SORCS2: variants seen among roughly 807,000 people sequenced by gnomAD.
The protein encoded by SORCS2 is sortilin related VPS10 domain containing receptor 2.
SORCS2 carries 100 observed loss-of-function variants against 141.6 expected under a neutral mutation model. The observed-to-expected ratio is 0.71, with a 90% confidence interval of 0.60 to 0.83. The LOEUF (loss-of-function observed/expected upper bound fraction) is 0.83, where lower values mean the gene tolerates loss of function less well. Ranked by LOEUF, SORCS2 falls within the 40% of genes least tolerant of loss-of-function variation. The pLI is 0.00. For synonymous variants in SORCS2, 789 were observed against 676.9 expected (o/e 1.17, Z -2.57); for missense variants, 1,646 against 1,560.2 (o/e 1.05, Z -0.93).
At chr4:7,738,140 T>C (rs1490971379) in intron 26 of SORCS2, among the ~76,000 whole-genome samples, 1 of 152,192 alleles carries the variant, frequency 6.6e-6, no homozygotes, top group East Asian at 1.9e-4. Context: ...AGTCAGAGCA[T>C]GATGCCATCC....
chr4:7,724,121 G>GT (rs1726804062), intron 19 of SORCS2, among the ~76,000 whole-genome samples: 1 of 131,188 alleles, frequency 7.6e-6, no homozygotes, highest in Admixed American at 7.5e-5. Flanking sequence ...GGTGATGGTG[G>GT]TGGTGGTGGT....
At chr4:7,454,561 G>A (rs1365605817) in intron 2 of SORCS2, among the ~76,000 whole-genome samples, 3 of 123,674 alleles carry the variant, frequency 2.4e-5, no homozygotes, top group African/African-American at 9.6e-5. Context: ...GCACTGTGTT[G>A]GGGTCAGGAG....
chr4:7,567,051 A>G (rs1397297712), intron 3 of SORCS2, among the ~76,000 whole-genome samples: 1 of 152,246 alleles, frequency 6.6e-6, no homozygotes, highest in Non-Finnish European at 1.5e-5. Flanking sequence ...ACTGACTCCA[A>G]CACCCCTATT....
intron 2 of SORCS2, among the ~76,000 whole-genome samples, chr4:7,409,688 G>A (rs1328407154): frequency 2.0e-5 from 3 of 152,176 alleles, no homozygotes; most frequent in Non-Finnish European, 2.9e-5. Context: ...TCAGTGCCAG[G>A]CAGGATGGGG....
rs1227276329 is a variant in SORCS2 at position 7,663,858 on chromosome 4, C to G, written c.953-495C>G. On this transcript the variant is annotated intron_variant, in intron 6 of 26. Coordinates refer to ENST00000507866, the MANE Select transcript of SORCS2 (RefSeq NM_020777.3). The surrounding 1 kb of genome is among the most constrained non-coding windows in gnomAD (Gnocchi z 4.8). ...ATCTAGCCCCTCCACATAAATTTGCCCCGGGGAAACAGAAGAACTTCAAAT... is the reference window on the plus strand; with the variant it reads ...ATCTAGCCCCTCCACATAAATTTGCGCCGGGGAAACAGAAGAACTTCAAAT... Among the ~76,000 whole-genome samples the G allele has an allele frequency of 6.6e-6, 1 of 152,142 alleles. No homozygotes were observed. Among genetic ancestry groups the G allele is most frequent in the East Asian group, 1.9e-4 (1 of 5,194 alleles).
At chr4:7,640,363 C>T (rs541959820) in intron 4 of SORCS2, among the ~76,000 whole-genome samples, 36 of 135,552 alleles carry the variant, frequency 2.7e-4, no homozygotes, top group South Asian at 9.9e-4. Context: ...CCTATGTGAG[C>T]ATGTGTGAAT....
At chr4:7,645,206 A>C (rs1227872577) in intron 4 of SORCS2, among the ~76,000 whole-genome samples, 5 of 152,116 alleles carry the variant, frequency 3.3e-5, no homozygotes, top group Admixed American at 2.0e-4. Context: ...GAGACATGAG[A>C]TAGAAGGGTG....
At chr4:7,647,703 G>A (rs889343677) in intron 4 of SORCS2, among the ~76,000 whole-genome samples, 11 of 152,186 alleles carry the variant, frequency 7.2e-5, no homozygotes, top group African/African-American at 2.4e-4. Context: ...CAGGGGGGTC[G>A]CCAGCCACCC....
At chr4:7,561,817 A>G (rs183868720) in intron 3 of SORCS2, among the ~76,000 whole-genome samples, 2 of 151,614 alleles carry the variant, frequency 1.3e-5, no homozygotes, top group South Asian at 2.1e-4. Flanking sequence ...CTATACATCC[A>G]TTCATCTGCC....
At chr4:7,522,397 T>C (rs960240176) in intron 2 of SORCS2, among the ~76,000 whole-genome samples, 2 of 152,254 alleles carry the variant, frequency 1.3e-5, no homozygotes, top group Non-Finnish European at 1.5e-5. Context: ...TTGCCTTCCA[T>C]GTTTCTATTT....
Position 7,192,624 on chromosome 4 carries a change from C to T in SORCS2, c.-23C>T. ...CTCGTCCGCGCCGCCCCGCCGCCGG[C>T]TCCGCTGCCGCCCCTGGCGACCATG... On this transcript the variant is annotated 5_prime_UTR_variant, in exon 1 of 27. Coordinates refer to ENST00000507866, the MANE Select transcript of SORCS2 (RefSeq NM_020777.3). This position sits in a 1 kb window ranked among gnomAD's most constrained non-coding sequence, Gnocchi z 4.0. The T allele has an allele frequency of 3.0e-6, 3 of 987,526 alleles. No homozygotes were observed. The East Asian group carries it at 3.4e-4, about 111-fold the overall frequency. The allele number at this position is 987,526 out of a possible 1,614,324, so 61.2% of individuals were successfully genotyped here. A position where few individuals can be genotyped will look rare whatever the true frequency, so the allele number is the denominator to read the frequency against.
intron 17 of SORCS2, among the ~76,000 whole-genome samples, chr4:7,716,638 T>C (rs1181648317): frequency 2.0e-5 from 3 of 151,068 alleles, no homozygotes; most frequent in Non-Finnish European, 2.9e-5. Context: ...TCCATCCATC[T>C]ACCCATCCAT....
chr4:7,405,814 T>G (rs1364859287), intron 2 of SORCS2, among the ~76,000 whole-genome samples: 1 of 152,126 alleles, frequency 6.6e-6, no homozygotes, highest in Non-Finnish European at 1.5e-5. Flanking sequence ...CTTTTCCAAT[T>G]TGGATGCCTT....
At chr4:7,384,464 G>A (rs1223356288) in intron 1 of SORCS2, among the ~76,000 whole-genome samples, 1 of 152,208 alleles carries the variant, frequency 6.6e-6, no homozygotes, top group Admixed American at 6.5e-5. Context: ...GACCTCGGGG[G>A]ACTGGGGCTG....
chr4:7,312,642 G>A (rs1291001831), intron 1 of SORCS2, among the ~76,000 whole-genome samples: 1 of 152,180 alleles, frequency 6.6e-6, no homozygotes, highest in Non-Finnish European at 1.5e-5. Context: ...GGACATTTGT[G>A]GAGCCAGGCT....
chr4:7,562,539 G>A lies in SORCS2; in HGVS notation c.648+30910G>A, dbSNP rs142876036. Reference sequence around the variant, plus strand: ...CATACTTTAAGCTTTAGGGGCATACGCTGTCTCTGTTGCATGTTCTACTTG... The same window carrying A: ...CATACTTTAAGCTTTAGGGGCATACACTGTCTCTGTTGCATGTTCTACTTG... On this transcript the variant is annotated intron_variant, in intron 3 of 26. Transcript: ENST00000507866. Among the ~76,000 whole-genome samples the A allele has an allele frequency of 1.1e-4, 17 of 152,290 alleles. No homozygotes were observed. In the Middle Eastern group the frequency reaches 0.01, roughly 91 times the overall value.
At chr4:7,208,248 G>A (rs1019135025) in intron 1 of SORCS2, among the ~76,000 whole-genome samples, 3 of 152,164 alleles carry the variant, frequency 2.0e-5, no homozygotes, top group Non-Finnish European at 4.4e-5. Context: ...GTGGGGGTTA[G>A]AGACCGTCCA....
At chr4:7,733,168 C>G (rs1344838324) in intron 23 of SORCS2, among the ~76,000 whole-genome samples, 154 bp from the exon 24 acceptor site, 2 of 148,728 alleles carry the variant, frequency 1.3e-5, no homozygotes, top group Non-Finnish European at 3.0e-5. Context: ...CCCCCACCCC[C>G]CATGGAGGAC....
At chr4:7,647,976 G>A (rs1721187583) in intron 4 of SORCS2, among the ~76,000 whole-genome samples, 1 of 152,234 alleles carries the variant, frequency 6.6e-6, no homozygotes, top group Non-Finnish European at 1.5e-5. Context: ...CTTGCATAGT[G>A]TCTCATCGCT....
Sources: gnomAD v4.1 joint callset for allele counts (sites outside exome capture counted in the v4.1 genomes callset) on GRCh38, gnomAD v4.1.1 for gene constraint, Gnocchi (gnomAD v3.1) non-coding constraint, MANE v1.5 for transcripts, NCBI Gene and HGNC (gene_info 2026-07-23, HGNC 2026-07-21) for gene names.